The following EPAS1 variants were observed in gnomAD, a reference collection of about 807,000 sequenced individuals.
EPAS1 encodes the protein endothelial PAS domain-containing protein 1.
Under a neutral mutation model 87.9 loss-of-function variants are expected in EPAS1, and 23 were observed. That is an observed-to-expected ratio of 0.26 (90% CI 0.19 to 0.37). EPAS1 has a LOEUF of 0.37. EPAS1 is among the 10% of genes least tolerant of loss of function. The pLI, the probability that EPAS1 is intolerant of heterozygous loss-of-function variation, is 1.00. For synonymous variants in EPAS1, 508 were observed against 444.3 expected (o/e 1.14, Z -1.80); for missense variants, 1,138 against 1,120.7 (o/e 1.02, Z -0.22).
chr2:46,361,466 T>C (rs534771551), intron 6 of EPAS1, among the ~76,000 whole-genome samples: 39 of 152,314 alleles, frequency 2.6e-4, no homozygotes, highest in African/African-American at 9.1e-4. Flanking sequence ...CAGAGGCCAG[T>C]AAGGAGCATC....
chr2:46,308,648 C>A lies in EPAS1; in HGVS notation c.26+10711C>A, dbSNP rs184094909. Among the ~76,000 whole-genome samples the A allele has an allele frequency of 2.0e-5, 3 of 152,244 alleles. No homozygotes were observed. The East Asian group carries it at 5.8e-4, about 29-fold the overall frequency. ...AAGGAAAAGAAAAAATTTGGGGGAC[C>A]ACAGTCAGGTCTTATTGATACATAA... is the stretch of plus-strand genomic sequence containing the variant. On this transcript the variant is annotated intron_variant, in intron 1 of 15. Coordinates refer to ENST00000263734, the MANE Select transcript of EPAS1 (RefSeq NM_001430.5).
chr2:46,354,248 T>C (rs1432851802), intron 2 of EPAS1, among the ~76,000 whole-genome samples: 1 of 152,252 alleles, frequency 6.6e-6, no homozygotes, highest in African/African-American at 2.4e-5. Context: ...AATTGCATTC[T>C]ACATTCCTTA....
chr2:46,314,589 G>A (rs1040831539), intron 1 of EPAS1, among the ~76,000 whole-genome samples: 10 of 152,118 alleles, frequency 6.6e-5, no homozygotes, highest in Non-Finnish European at 1.0e-4. Flanking sequence ...CTAGTAAGTG[G>A]GAACCAGTCA....
At chr2:46,303,256 G>A (rs1683047008) in intron 1 of EPAS1, among the ~76,000 whole-genome samples, 1 of 152,164 alleles carries the variant, frequency 6.6e-6, no homozygotes, top group African/African-American at 2.4e-5. Context: ...TAGAGGTGGA[G>A]AAATTTGTTC....
chr2:46,380,806 C>G lies in EPAS1; in HGVS notation c.2045+89C>G. ...GCTGGACCCCCAGGGAGGCCCCTGC[C>G]CCTCTCCCCAGCCATCTGATACCCC... On this transcript the variant is annotated intron_variant, in intron 12 of 15. Transcript: ENST00000263734. The surrounding 1 kb of genome is among the most constrained non-coding windows in gnomAD (Gnocchi z 4.4). The G allele has an allele frequency of 6.3e-7, 1 of 1,592,234 alleles. No individual in the cohort carries two copies. The highest frequency in any genetic ancestry group is 8.5e-7 in the Non-Finnish European group (1 of 1,175,802).
At chr2:46,334,319 CTTATG>C (rs1310897227) in intron 1 of EPAS1, among the ~76,000 whole-genome samples, 6 of 152,292 alleles carry the variant, frequency 3.9e-5, no homozygotes, top group African/African-American at 9.6e-5. Context: ...TGCTTGGCAC[CTTATG>C]GATACTCAAC....
At chr2:46,335,184 A>G (rs1439614567) in intron 1 of EPAS1, among the ~76,000 whole-genome samples, 3 of 152,142 alleles carry the variant, frequency 2.0e-5, no homozygotes, top group African/African-American at 4.8e-5. Flanking sequence ...AGGAACCAGA[A>G]GTTCTGGCAA....
chr2:46,357,134 A>T (rs887781941), intron 4 of EPAS1, among the ~76,000 whole-genome samples: 1 of 152,218 alleles, frequency 6.6e-6, no homozygotes, highest in South Asian at 2.1e-4. Context: ...CCAATGAGGA[A>T]CTAGTCTGTG....
rs763840820 is a variant in EPAS1, at chr2:46,375,781, C to T, written c.978C>T (p.Ile326=). The T allele has an allele frequency of 1.1e-5, 17 of 1,614,142 alleles. No homozygotes were observed. Among genetic ancestry groups the T allele is most frequent in the Non-Finnish European group, 1.4e-5 (16 of 1,180,052 alleles). ...GGCTGGAGACCCAGGGGACGGTCAT[C>T]TACAACCCTCGCAACCTGCAGCCCC... ...YVWLETQGTV[I]YNPRNLQPQC... Residue 326 remains isoleucine, a synonymous_variant, in exon 8 of 16, where the codon ATC becomes ATT. Coordinates refer to ENST00000263734, the MANE Select transcript of EPAS1 (RefSeq NM_001430.5). The surrounding 1 kb of genome is among the most constrained non-coding windows in gnomAD (Gnocchi z 4.1).
chr2:46,348,998 C>T (rs1684090234), intron 2 of EPAS1, among the ~76,000 whole-genome samples: 1 of 152,204 alleles, frequency 6.6e-6, no homozygotes, highest in East Asian at 1.9e-4. Flanking sequence ...CTCAAAGTCA[C>T]ACATTTAGCA....
intron 1 of EPAS1, among the ~76,000 whole-genome samples, chr2:46,341,775 C>T (rs974576691): frequency 6.6e-6 from 1 of 152,174 alleles, no homozygotes; most frequent in Non-Finnish European, 1.5e-5. Flanking sequence ...GATTCTGATG[C>T]AAGCTAAAAT....
intron 1 of EPAS1, among the ~76,000 whole-genome samples, chr2:46,320,002 C>G (rs552566290): frequency 6.6e-6 from 1 of 152,238 alleles, no homozygotes; most frequent in Non-Finnish European, 1.5e-5. Context: ...GGATTTTTGC[C>G]TCATTTTGTT....
intron 1 of EPAS1, among the ~76,000 whole-genome samples, chr2:46,326,547 G>A (rs899698566): frequency 1.3e-5 from 2 of 151,672 alleles, no homozygotes; most frequent in African/African-American, 4.9e-5. Context: ...TCCTCCGTGG[G>A]GAAAAACAAG....
At chr2:46,378,597 G>T in intron 10 of EPAS1, 60 bp from the exon 11 acceptor site, 2 of 1,435,876 alleles carry the variant, frequency 1.4e-6, no homozygotes. Flanking sequence ...TTCCATGCTG[G>T]ACTTCTGGGG....
Position 46,360,240 on chromosome 2 carries a change from T to G in EPAS1, c.455-398T>G, listed in dbSNP as rs541949913. 6.6e-6 allele frequency among the ~76,000 whole-genome samples: 1 copy of G among 152,344 alleles called. No homozygotes were observed. Among genetic ancestry groups the G allele is most frequent in the South Asian group, 2.1e-4 (1 of 4,826 alleles). On this transcript the variant is annotated intron_variant, in intron 4 of 15. Transcript: ENST00000263734. The surrounding 1 kb of genome is among the most constrained non-coding windows in gnomAD (Gnocchi z 4.5). ...GGAAGGCTTACACCCTTGGAGTAACTGTGGCCTCACTCAGACTGTCCCTTG... is the reference window on the plus strand; with the variant it reads ...GGAAGGCTTACACCCTTGGAGTAACGGTGGCCTCACTCAGACTGTCCCTTG...
At chr2:46,313,369 T>G (rs1424108212) in intron 1 of EPAS1, among the ~76,000 whole-genome samples, 1 of 152,196 alleles carries the variant, frequency 6.6e-6, no homozygotes, top group African/African-American at 2.4e-5. Flanking sequence ...GGAAGCATTT[T>G]CTCACCTCCT....
chr2:46,314,948 G>A (rs1683282476), intron 1 of EPAS1, among the ~76,000 whole-genome samples: 1 of 152,046 alleles, frequency 6.6e-6, no homozygotes, highest in Admixed American at 6.5e-5. Context: ...GAGGGGTAGT[G>A]TCTCCATCTC....
At chr2:46,327,964 C>T (rs983099799) in intron 1 of EPAS1, among the ~76,000 whole-genome samples, 1 of 152,180 alleles carries the variant, frequency 6.6e-6, no homozygotes, top group Non-Finnish European at 1.5e-5. Context: ...CAAATGTTAA[C>T]CTACCTCCGG....
At chr2:46,307,281 C>T (rs985393223) in intron 1 of EPAS1, among the ~76,000 whole-genome samples, 1 of 152,170 alleles carries the variant, frequency 6.6e-6, no homozygotes, top group Admixed American at 6.5e-5. Context: ...TCTCTGGGGC[C>T]TGGGTTTGGA....
Sources: gnomAD v4.1 joint callset for allele counts (sites outside exome capture counted in the v4.1 genomes callset) on GRCh38, gnomAD v4.1.1 for gene constraint, Gnocchi (gnomAD v3.1) non-coding constraint, MANE v1.5 for transcripts, NCBI Gene and HGNC (gene_info 2026-07-23, HGNC 2026-07-21) for gene names.